The following RERE variants were observed in gnomAD, a reference collection of about 807,000 sequenced individuals.
RERE encodes arginine-glutamic acid dipeptide repeats protein.
In RERE, 40 loss-of-function variants were observed where a neutral mutation model predicts 146.1. The ratio of observed to expected loss-of-function variants is 0.27; its 90% CI spans 0.21 to 0.36. The LOEUF is 0.36. Among genes scored for constraint, RERE ranks in the 10% least tolerant of loss-of-function variants. RERE has a pLI of 1.00. For synonymous variants in RERE, 1,003 were observed against 866.0 expected (o/e 1.16, Z -2.78); for missense variants, 1,933 against 2,138.7 (o/e 0.90, Z 1.90).
chr1:8,533,522 C>A (rs1340242970), intron 7 of RERE, among the ~76,000 whole-genome samples: 1 of 152,174 alleles, frequency 6.6e-6, no homozygotes, highest in Admixed American at 6.5e-5. Context: ...AAACATTTTA[C>A]ATATGCTTCT....
intron 4 of RERE, among the ~76,000 whole-genome samples, chr1:8,589,986 C>A (rs1250479673): frequency 1.3e-5 from 2 of 152,126 alleles, no homozygotes; most frequent in Non-Finnish European, 2.9e-5. Context: ...TGTGTAAGTT[C>A]CCCTAATAAA....
chr1:8,559,105 G>A (rs1280343748), intron 4 of RERE, among the ~76,000 whole-genome samples: 1 of 150,322 alleles, frequency 6.7e-6, no homozygotes, highest in Non-Finnish European at 1.5e-5. Flanking sequence ...GGCCGAAAAT[G>A]TGCTGTTTTA....
chr1:8,604,673 G>GAAGT (rs1553120316), intron 4 of RERE, among the ~76,000 whole-genome samples: 16 of 145,762 alleles, frequency 1.1e-4, no homozygotes, highest in African/African-American at 3.0e-4. Context: ...AGGAAGGAAG[G>GAAGT]AAGTCCACAT....
chr1:8,395,652 G>T (rs11121179), intron 12 of RERE, among the ~76,000 whole-genome samples: 24,302 of 152,086 alleles, frequency 0.16, 2,192 homozygotes, highest in South Asian at 0.28. Flanking sequence ...CTTTGAGGAA[G>T]CAATGTCAAA....
intron 1 of RERE, among the ~76,000 whole-genome samples, chr1:8,769,152 G>C (rs1006245182): frequency 1.3e-5 from 2 of 152,130 alleles, no homozygotes; most frequent in African/African-American, 4.8e-5. Flanking sequence ...ATTGATTTGA[G>C]TAAATGTTTT....
At position 8,397,785 on chromosome 1, in the gene RERE, C is replaced by T. The variant is rs78444616; in HGVS notation, c.1284+24942G>A. ...CCTGTTCTTACTGGGCACCATCCCC[C>T]AAGACCTTCTGCTATTTGTACTTTC... On this transcript the variant is annotated intron_variant, in intron 12 of 22. Transcript: ENST00000400908. Among the ~76,000 whole-genome samples, 1,331 of 152,296 alleles carry T rather than the reference C, an allele frequency of 8.7e-3. 17 individuals carry two copies. The highest frequency in any genetic ancestry group is 0.031 in the African/African-American group (1,269 of 41,556).
chr1:8,769,578 C>A (rs1640907175), intron 1 of RERE, among the ~76,000 whole-genome samples: 1 of 152,170 alleles, frequency 6.6e-6, no homozygotes, highest in African/African-American at 2.4e-5. Context: ...CTCCAAGGCT[C>A]AAGCGATCCT....
chr1:8,406,549 T>C (rs1429633500), intron 12 of RERE, among the ~76,000 whole-genome samples: 1 of 152,144 alleles, frequency 6.6e-6, no homozygotes, highest in African/African-American at 2.4e-5. Context: ...ATGTTAATAT[T>C]TGGAGAATCT....
chr1:8,701,317 C>T (rs1639443835), intron 1 of RERE, among the ~76,000 whole-genome samples: 2 of 34,800 alleles, frequency 5.7e-5, no homozygotes, highest in African/African-American at 3.4e-4. Flanking sequence ...CACACACACA[C>T]ACACACGCAC....
At chr1:8,512,089 A>C (rs1276324222) in intron 7 of RERE, among the ~76,000 whole-genome samples, 1 of 122,034 alleles carries the variant, frequency 8.2e-6, no homozygotes, top group Non-Finnish European at 1.6e-5. Context: ...TGCAGACTGC[A>C]GTGGCGCAAT....
At chr1:8,399,205 C>T (rs1643163010) in intron 12 of RERE, among the ~76,000 whole-genome samples, 1 of 151,686 alleles carries the variant, frequency 6.6e-6, no homozygotes, top group African/African-American at 2.4e-5. Flanking sequence ...CTATAAAACA[C>T]AGACTTTTTA....
At chr1:8,539,594 T>C (rs1050269550) in intron 7 of RERE, among the ~76,000 whole-genome samples, 9 of 152,024 alleles carry the variant, frequency 5.9e-5, no homozygotes, top group Admixed American at 5.9e-4. Context: ...TTAGTAGAAA[T>C]AGGGTTTCAC....
At chr1:8,657,213 G>A (rs1360417771) in intron 1 of RERE, among the ~76,000 whole-genome samples, 1 of 151,382 alleles carries the variant, frequency 6.6e-6, no homozygotes, top group African/African-American at 2.4e-5. Context: ...TCTGAGGCAG[G>A]AGAATGGCGT....
intron 8 of RERE, among the ~76,000 whole-genome samples, chr1:8,499,103 T>A (rs1207264625): frequency 6.6e-6 from 1 of 152,024 alleles, no homozygotes; most frequent in Admixed American, 6.6e-5. Context: ...ATGACCACCA[T>A]AACCAGCAGA....
At chr1:8,708,446 C>A (rs1639599663) in intron 1 of RERE, among the ~76,000 whole-genome samples, 1 of 152,150 alleles carries the variant, frequency 6.6e-6, no homozygotes, top group Admixed American at 6.5e-5. Context: ...CCTGTCTCAG[C>A]CTCCCAAGTA....
chr1:8,572,697 TC>T (rs1646236426), intron 4 of RERE, among the ~76,000 whole-genome samples: 1 of 152,200 alleles, frequency 6.6e-6, no homozygotes, highest in African/African-American at 2.4e-5. Context: ...AAACAGGAAG[TC>T]CCAGTCCTGG....
intron 1 of RERE, among the ~76,000 whole-genome samples, chr1:8,683,714 G>A (rs768708055): frequency 1.2e-4 from 18 of 152,276 alleles, no homozygotes; most frequent in African/African-American, 3.4e-4. Flanking sequence ...AGGCCAAGGC[G>A]GGCGGATCAC....
chr1:8,805,176 T>C (rs1247310981), intron 1 of RERE, among the ~76,000 whole-genome samples: 1 of 152,006 alleles, frequency 6.6e-6, no homozygotes, highest in East Asian at 1.9e-4. Flanking sequence ...AGCTATTAAA[T>C]AATTTTGAAT....
At chr1:8,761,042 G>A (rs1042700686) in intron 1 of RERE, among the ~76,000 whole-genome samples, 4 of 152,158 alleles carry the variant, frequency 2.6e-5, no homozygotes, top group Admixed American at 2.6e-4. Context: ...CAGAGAGGTG[G>A]CAGAACAAGG....
Sources: gnomAD v4.1 joint callset for allele counts (sites outside exome capture counted in the v4.1 genomes callset) on GRCh38, gnomAD v4.1.1 for gene constraint, MANE v1.5 for transcripts, NCBI Gene and HGNC (gene_info 2026-07-23, HGNC 2026-07-21) for gene names.